Variants in NAV3 observed in about 807,000 individuals in gnomAD.
The protein encoded by NAV3 is neuron navigator 3, also known as pore membrane and/or filament interacting like protein 1.
NAV3 carries 87 observed loss-of-function variants against 244.7 expected under a neutral mutation model. The observed-to-expected ratio is 0.36, with a 90% CI of 0.30 to 0.42. The LOEUF (loss-of-function observed/expected upper bound fraction) is 0.42, where lower values mean the gene tolerates loss of function less well. Among genes scored for constraint, NAV3 ranks in the 20% least tolerant of loss-of-function variants. NAV3 has a pLI of 1.00. For missense variants in NAV3, 2,663 were observed against 2,893.3 expected (o/e 0.92, Z 1.83); for synonymous variants, 1,126 against 1,042.2 (o/e 1.08, Z -1.55).
intron 3 of NAV3, among the ~76,000 whole-genome samples, chr12:77,962,436 A>G (rs1382739254): frequency 6.6e-6 from 1 of 152,148 alleles, no homozygotes; most frequent in Admixed American, 6.5e-5. Context: ...CATTGGATAC[A>G]GACTTCATCC....
chr12:77,877,012 A>G (rs1881933000), intron 1 of NAV3, among the ~76,000 whole-genome samples: 2 of 152,132 alleles, frequency 1.3e-5, no homozygotes, highest in South Asian at 4.1e-4. Flanking sequence ...ACCACAAAAC[A>G]TTGTATATGT....
At chr12:77,604,300 A>G (rs1870573324) in intron 2 of NAV3, among the ~76,000 whole-genome samples, 1 of 152,072 alleles carries the variant, frequency 6.6e-6, no homozygotes, top group Non-Finnish European at 1.5e-5. Flanking sequence ...TAGCAGAAAG[A>G]CAAAAGAAAA....
At chr12:78,103,888 G>C (rs541297490) in intron 12 of NAV3, among the ~76,000 whole-genome samples, 3 of 152,278 alleles carry the variant, frequency 2.0e-5, no homozygotes, top group Admixed American at 2.0e-4. Context: ...GATGAGATTT[G>C]GGTAGGGACA....
At chr12:77,667,018 G>A (rs1250775469) in intron 2 of NAV3, among the ~76,000 whole-genome samples, 1 of 152,092 alleles carries the variant, frequency 6.6e-6, no homozygotes, top group African/African-American at 2.4e-5. Context: ...AGATTTATCA[G>A]TCCCATGTCC....
At chr12:77,815,217 A>G (rs1872481461) in intron 2 of NAV3, among the ~76,000 whole-genome samples, 1 of 152,190 alleles carries the variant, frequency 6.6e-6, no homozygotes. Context: ...GTCATGACAA[A>G]CTATTTAACT....
At chr12:77,921,308 C>T (rs901069557) in intron 1 of NAV3, among the ~76,000 whole-genome samples, 1 of 151,760 alleles carries the variant, frequency 6.6e-6, no homozygotes, top group Non-Finnish European at 1.5e-5. Flanking sequence ...AAGGCAATAC[C>T]GACTGTGAAA....
upstream of NAV3, among the ~76,000 whole-genome samples, chr12:77,828,714 T>A (rs1873277459): frequency 6.6e-6 from 1 of 152,208 alleles, no homozygotes; most frequent in African/African-American, 2.4e-5. Context: ...AAAAATTAGT[T>A]GACAGTGGCT....
chr12:77,746,663 C>T (rs1463058517), intron 2 of NAV3, among the ~76,000 whole-genome samples: 1 of 151,858 alleles, frequency 6.6e-6, no homozygotes, highest in Admixed American at 6.6e-5. Context: ...TTTGATATAG[C>T]TGAACAGTGG....
At chr12:78,082,007 T>G (rs936140919) in intron 12 of NAV3, among the ~76,000 whole-genome samples, 1 of 152,188 alleles carries the variant, frequency 6.6e-6, no homozygotes. Context: ...TGTCGTGGGA[T>G]GGACCCAGTG....
At position 77,960,431 on chromosome 12, in the gene NAV3, C is replaced by T. The variant is rs141304628; in HGVS notation, c.415-5798C>T. 1.6e-3 allele frequency among the ~76,000 whole-genome samples: 214 copies of T among 136,156 alleles called. 1 individual carries two copies. The highest frequency in any genetic ancestry group is 5.5e-3 in the African/African-American group (200 of 36,684). The allele number at this position is 136,156 out of a possible 152,430, so 89.3% of individuals were successfully genotyped here. On this transcript the variant is annotated intron_variant, in intron 3 of 39. Transcript: ENST00000397909. ...AATCAATAGGGAGTATACATTCTGG[C>T]CAGTCATATATATATATATACACAC...
At chr12:77,714,876 A>G (rs1876290435) in intron 2 of NAV3, among the ~76,000 whole-genome samples, 1 of 152,156 alleles carries the variant, frequency 6.6e-6, no homozygotes, top group African/African-American at 2.4e-5. Flanking sequence ...CTTGGCATAA[A>G]GAGTTAAACA....
At chr12:77,724,831 A>G (rs1162711684) in intron 2 of NAV3, among the ~76,000 whole-genome samples, 1 of 151,990 alleles carries the variant, frequency 6.6e-6, no homozygotes, top group Non-Finnish European at 1.5e-5. Flanking sequence ...TAAGCTTTGC[A>G]ATTTCTGTTA....
At chr12:78,120,447 G>A (rs1166661792) in intron 15 of NAV3, among the ~76,000 whole-genome samples, 1 of 152,156 alleles carries the variant, frequency 6.6e-6, no homozygotes, top group Non-Finnish European at 1.5e-5. Context: ...GATTTATACA[G>A]TGTCATATCT....
In NAV3 at chr12:77,873,329, T is replaced by C. The variant is rs190824331; in HGVS notation, c.243+41625T>C. On this transcript the variant is annotated intron_variant, in intron 1 of 39. Coordinates refer to ENST00000397909, the MANE Select transcript of NAV3 (RefSeq NM_001024383.2). ...AGTATATGTATGTCCAGTTTTAATA[T>C]ATGTGAAGATAAACAATTGATACAG... Among the ~76,000 whole-genome samples, 7 of 152,226 alleles carry C rather than the reference T, an allele frequency of 4.6e-5. No homozygotes were observed. The East Asian group carries it at 1.4e-3, about 29-fold the overall frequency.
At chr12:77,814,602 C>T (rs984530052) in intron 2 of NAV3, among the ~76,000 whole-genome samples, 1 of 152,084 alleles carries the variant, frequency 6.6e-6, no homozygotes, top group African/African-American at 2.4e-5. Context: ...TTGGGAGGGA[C>T]AGTGGAGAAG....
At chr12:77,910,125 G>A (rs1346099351) in intron 1 of NAV3, among the ~76,000 whole-genome samples, 1 of 152,024 alleles carries the variant, frequency 6.6e-6, no homozygotes, top group Non-Finnish European at 1.5e-5. Context: ...ATTTTACATT[G>A]TTATGAAGGG....
At chr12:77,744,901 T>C (rs1332935133) in intron 2 of NAV3, among the ~76,000 whole-genome samples, 3 of 152,106 alleles carry the variant, frequency 2.0e-5, no homozygotes, top group South Asian at 2.1e-4. Context: ...TGAACTTTTT[T>C]TGAAGATGTA....
At chr12:78,187,486 G>A (rs1173009866) in intron 31 of NAV3, among the ~76,000 whole-genome samples, 1 of 151,736 alleles carries the variant, frequency 6.6e-6, no homozygotes, top group Admixed American at 6.6e-5. Flanking sequence ...TCATAATAGA[G>A]GCTCTAGCTA....
chr12:77,773,836 A>G (rs1480757502), intron 2 of NAV3, among the ~76,000 whole-genome samples: 1 of 152,134 alleles, frequency 6.6e-6, no homozygotes, highest in Non-Finnish European at 1.5e-5. Flanking sequence ...TTTTTAGGTC[A>G]GCTAATCCCT....
Sources: allele counts gnomAD v4.1 joint callset (sites outside exome capture counted in the v4.1 genomes callset), GRCh38; gene constraint gnomAD v4.1.1; transcripts MANE v1.5; gene names NCBI Gene and HGNC (gene_info 2026-07-23, HGNC 2026-07-21).